Variants in PTPRD observed in about 807,000 individuals in gnomAD.
PTPRD encodes protein tyrosine phosphatase receptor type D.
A neutral mutation model predicts 214.5 loss-of-function variants in PTPRD; 34 were observed. The ratio of observed to expected loss-of-function variants is 0.16; its 90% confidence interval spans 0.12 to 0.21. The LOEUF is 0.21. Among genes scored for constraint, PTPRD ranks in the 10% least tolerant of loss-of-function variants. The probability of loss-of-function intolerance (pLI) is 1.00; values close to 1 mark genes in which losing one functional copy is unlikely to be tolerated. For synonymous variants in PTPRD, 1,128 were observed against 845.7 expected (o/e 1.33, Z -5.79); for missense variants, 2,545 against 2,398.7 (o/e 1.06, Z -1.27).
intron 14 of PTPRD, among the ~76,000 whole-genome samples, chr9:8,612,993 T>C (rs1324251590): frequency 6.6e-6 from 1 of 152,184 alleles, no homozygotes; most frequent in Non-Finnish European, 1.5e-5. Flanking sequence ...GAAAGGATTA[T>C]TAATAACACC....
intron 11 of PTPRD, among the ~76,000 whole-genome samples, chr9:8,918,293 G>C (rs1206788722): frequency 6.6e-6 from 1 of 152,144 alleles, no homozygotes. Context: ...ATCCTCTCTT[G>C]GCCTAGAAAG....
chr9:8,323,513 T>C (rs1830513308), intron 44 of PTPRD, among the ~76,000 whole-genome samples: 1 of 152,144 alleles, frequency 6.6e-6, no homozygotes, highest in South Asian at 2.1e-4. Context: ...TTATCAACAG[T>C]AACAGGAGTT....
chr9:10,501,468 C>G (rs902696566), intron 2 of PTPRD, among the ~76,000 whole-genome samples: 3 of 151,846 alleles, frequency 2.0e-5, no homozygotes, highest in Non-Finnish European at 2.9e-5. Context: ...AATATTTTGT[C>G]CTATTCTGTG....
chr9:9,589,707 T>A (rs1027906973), intron 7 of PTPRD, among the ~76,000 whole-genome samples: 1 of 152,008 alleles, frequency 6.6e-6, no homozygotes, highest in African/African-American at 2.4e-5. Context: ...CATTATTTCA[T>A]AGAGCTTTAC....
intron 3 of PTPRD, among the ~76,000 whole-genome samples, chr9:10,319,778 A>C (rs547990062): frequency 6.6e-5 from 10 of 152,132 alleles, no homozygotes; most frequent in Non-Finnish European, 1.5e-4. Flanking sequence ...TTAAAGAGAG[A>C]TCACGAGAGA....
chr9:10,197,179 A>G (rs1362175458), intron 3 of PTPRD, among the ~76,000 whole-genome samples: 1 of 151,576 alleles, frequency 6.6e-6, no homozygotes, highest in African/African-American at 2.4e-5. Flanking sequence ...CTGCACCCCC[A>G]CCCCACCACT....
chr9:9,365,573 C>A (rs908291140), intron 9 of PTPRD, among the ~76,000 whole-genome samples: 1 of 151,406 alleles, frequency 6.6e-6, no homozygotes, highest in Admixed American at 6.6e-5. Context: ...ATGGCCAATA[C>A]AACTAAATGG....
chr9:9,980,432 ACTCCGT>A lies in PTPRD; in HGVS notation c.-471-41828_-471-41823del, dbSNP rs539518827. Among the ~76,000 whole-genome samples, 424 of 151,376 alleles carry A rather than the reference ACTCCGT, an allele frequency of 2.8e-3. 2 individuals carry two copies. Among genetic ancestry groups the A allele is most frequent in the African/African-American group, 9.8e-3 (406 of 41,296 alleles). Reference sequence around the variant, plus strand: ...AGACCATCCTGGCCAACTTGGTGAAACTCCGTCTCTACTAAAAATACAAAAATTAGC... The same window carrying A: ...AGACCATCCTGGCCAACTTGGTGAAACTCTACTAAAAATACAAAAATTAGC... On this transcript the variant is annotated intron_variant, in intron 4 of 45. Coordinates refer to ENST00000381196, the MANE Select transcript of PTPRD (RefSeq NM_002839.4).
intron 6 of PTPRD, among the ~76,000 whole-genome samples, chr9:9,742,794 G>C (rs1383234716): frequency 6.6e-6 from 1 of 151,958 alleles, no homozygotes; most frequent in African/African-American, 2.4e-5. Context: ...AGCTTCTTTT[G>C]ACCAAGATAT....
intron 10 of PTPRD, among the ~76,000 whole-genome samples, chr9:9,056,487 G>A (rs547971948): frequency 1.3e-5 from 2 of 152,104 alleles, no homozygotes; most frequent in African/African-American, 4.8e-5. Flanking sequence ...TCTGATCAAG[G>A]GAATGATTAG....
intron 3 of PTPRD, among the ~76,000 whole-genome samples, chr9:10,071,136 G>T (rs916104838): frequency 1.3e-5 from 2 of 152,000 alleles, no homozygotes; most frequent in Admixed American, 6.6e-5. Context: ...CATGGAGAGA[G>T]ATTTCATGAT....
chr9:9,016,658 C>T (rs1207024200), intron 11 of PTPRD, among the ~76,000 whole-genome samples: 4 of 152,082 alleles, frequency 2.6e-5, no homozygotes, highest in Non-Finnish European at 5.9e-5. Flanking sequence ...TGACCTACCC[C>T]CTAAATGACT....
At chr9:10,548,583 C>T (rs2060645160) in intron 2 of PTPRD, among the ~76,000 whole-genome samples, 2 of 152,052 alleles carry the variant, frequency 1.3e-5, no homozygotes, top group South Asian at 2.1e-4. Flanking sequence ...TAAGCACTGA[C>T]CATGTGGTGT....
intron 12 of PTPRD, among the ~76,000 whole-genome samples, chr9:8,685,731 A>C (rs1258725260): frequency 2.0e-5 from 3 of 152,232 alleles, no homozygotes; most frequent in African/African-American, 7.2e-5. Context: ...ACAGCCACAG[A>C]AGAGGTACAG....
chr9:8,391,251 A>G (rs1181120594), intron 36 of PTPRD, among the ~76,000 whole-genome samples: 2 of 152,122 alleles, frequency 1.3e-5, no homozygotes, highest in Non-Finnish European at 2.9e-5. Context: ...TGTAAAGTTG[A>G]TCCTCTCAAG....
At chr9:8,593,911 C>G (rs563500323) in intron 14 of PTPRD, among the ~76,000 whole-genome samples, 179 of 152,252 alleles carry the variant, frequency 1.2e-3, no homozygotes, top group African/African-American at 4.0e-3. Context: ...TCTCAAAGAG[C>G]TGGCCCTGGG....
chr9:8,536,755 A>T (rs2140007768), intron 14 of PTPRD, among the ~76,000 whole-genome samples: 1 of 152,070 alleles, frequency 6.6e-6, no homozygotes, highest in Non-Finnish European at 1.5e-5. Context: ...ATATAAGTAG[A>T]CCTAACATAT....
chr9:9,202,505 A>C (rs187326767), intron 9 of PTPRD, among the ~76,000 whole-genome samples: 57 of 152,306 alleles, frequency 3.7e-4, no homozygotes, highest in Admixed American at 3.4e-3. Context: ...ACAAGTTATT[A>C]GATCCAGATG....
chr9:10,273,408 G>A (rs931142992), intron 3 of PTPRD, among the ~76,000 whole-genome samples: 6 of 151,836 alleles, frequency 4.0e-5, no homozygotes, highest in Non-Finnish European at 8.8e-5. Flanking sequence ...ATAGAAATAG[G>A]GTCTTTTTCA....
Sources: gnomAD v4.1 joint callset for allele counts (sites outside exome capture counted in the v4.1 genomes callset) on GRCh38, gnomAD v4.1.1 for gene constraint, MANE v1.5 for transcripts, NCBI Gene and HGNC (gene_info 2026-07-23, HGNC 2026-07-21) for gene names.